Variants in WDR86 observed in about 807,000 individuals in gnomAD.
WDR86 encodes the protein WD repeat domain 86.
In WDR86, 30 loss-of-function variants were observed where a neutral mutation model predicts 36.5. The ratio of observed to expected loss-of-function variants is 0.82; its 90% confidence interval spans 0.61 to 1.11. The LOEUF (loss-of-function observed/expected upper bound fraction) is 1.11. Ranked by LOEUF, WDR86 falls within the 50% of genes most tolerant of loss-of-function variation. The pLI is 0.00. For missense variants in WDR86, 545 were observed against 561.2 expected, an observed-to-expected ratio of 0.97 and a Z score of 0.29; for synonymous variants, 255 against 252.9, an observed-to-expected ratio of 1.01 and a Z score of -0.08.
chr7:151,376,870 A>T, downstream of WDR86: 1 of 1,516,208 alleles, frequency 6.6e-7, no homozygotes. Context: ...AAGCCAACAG[A>T]TGTGGCCCTA....
At chr7:151,389,750 C>A (rs1179821465) in intron 3 of WDR86, among the ~76,000 whole-genome samples, 2 of 152,188 alleles carry the variant, frequency 1.3e-5, no homozygotes, top group Admixed American at 6.5e-5. Flanking sequence ...TGGAAGTGAG[C>A]ATGAGGCCCT....
downstream of WDR86, chr7:151,377,499 A>G (rs1207356395): frequency 7.2e-5 from 18 of 250,368 alleles, no homozygotes; most frequent in Non-Finnish European, 1.5e-5. Flanking sequence ...ACCCCGAAAC[A>G]GGAAGGAACA....
chr7:151,381,804 C>T lies in WDR86; in HGVS notation c.967-58G>A. The T allele has an allele frequency of 3.3e-6, 5 of 1,516,998 alleles. No individual in the cohort carries two copies. The highest frequency in any genetic ancestry group is 3.5e-6 in the Non-Finnish European group (4 of 1,128,964). The allele number at this position is 1,516,998 out of a possible 1,614,324, so 94.0% of individuals were successfully genotyped here. Reference sequence around the variant, plus strand: ...GCGGTAGGCGGGGGGGACACCGCTGCCCGCGTGGATGGATCGGGGCGGGGC... The same window carrying T: ...GCGGTAGGCGGGGGGGACACCGCTGTCCGCGTGGATGGATCGGGGCGGGGC... On this transcript the variant is annotated intron_variant, in intron 5 of 5. Coordinates refer to ENST00000334493, the MANE Select transcript of WDR86 (RefSeq NM_198285.3). This position sits in a 1 kb window ranked among gnomAD's most constrained non-coding sequence, Gnocchi z 4.8.
Position 151,388,425 on chromosome 7 carries a change from C to T in WDR86, c.727-3202G>A, listed in dbSNP as rs1181690048. Among the ~76,000 whole-genome samples, 2 of 151,964 alleles carry T rather than the reference C, an allele frequency of 1.3e-5. No individual in the cohort carries two copies. Among genetic ancestry groups the T allele is most frequent in the African/African-American group, 2.4e-5 (1 of 41,464 alleles). On this transcript the variant is annotated intron_variant, in intron 3 of 5. Coordinates refer to ENST00000334493, the MANE Select transcript of WDR86 (RefSeq NM_198285.3). The surrounding 1 kb of genome is among the most constrained non-coding windows in gnomAD (Gnocchi z 4.2). ...GTCAAGCCCAGAACCTGGGCGACCCCTCAAAGAGCAGGGGAGAGGGCTGCC... is the reference window on the plus strand; with the variant it reads ...GTCAAGCCCAGAACCTGGGCGACCCTTCAAAGAGCAGGGGAGAGGGCTGCC...
chr7:151,402,047 C>CA (rs71198714), intron 1 of WDR86, among the ~76,000 whole-genome samples: 194 of 14,858 alleles, frequency 0.013, 11 homozygotes, highest in Middle Eastern at 0.042. Flanking sequence ...AACTCTGCCT[C>CA]AAAAAAAAAA....
chr7:151,403,847 C>T (rs977659725), intron 1 of WDR86, among the ~76,000 whole-genome samples: 1 of 152,180 alleles, frequency 6.6e-6, no homozygotes, highest in African/African-American at 2.4e-5. Flanking sequence ...AGAGAGATTG[C>T]GGCTGGAGAC....
chr7:151,384,937 C>A (rs1798857669), intron 4 of WDR86, 151 bp downstream of exon 4: 5 of 870,482 alleles, frequency 5.7e-6, no homozygotes, highest in African/African-American at 1.7e-5. Flanking sequence ...CAGCTGGAAG[C>A]ACGGGTGTGT....
In WDR86 at chr7:151,406,358, C is replaced by G. The variant is rs1458249397; in HGVS notation, c.163+3069G>C. Among the ~76,000 whole-genome samples the G allele has an allele frequency of 6.6e-6, 1 of 152,206 alleles. No homozygotes were observed. The highest frequency in any genetic ancestry group is 1.5e-5 in the Non-Finnish European group (1 of 68,038). ...CAGGAAAGCCTGCGGTCCCTGATTGCCCCTGCTGCCATGAACAGAGCCAGA... is the reference window on the plus strand; with the variant it reads ...CAGGAAAGCCTGCGGTCCCTGATTGGCCCTGCTGCCATGAACAGAGCCAGA... On this transcript the variant is annotated intron_variant, in intron 1 of 5. Coordinates refer to ENST00000334493, the MANE Select transcript of WDR86 (RefSeq NM_198285.3). The surrounding 1 kb of genome is among the most constrained non-coding windows in gnomAD (Gnocchi z 4.4).
In WDR86 at chr7:151,408,704, G is replaced by A. The variant is rs1584803840; in HGVS notation, c.163+723C>T. The A allele has an allele frequency of 8.6e-6, 3 of 348,266 alleles. No homozygotes were observed. The East Asian group carries it at 2.2e-4, about 26-fold the overall frequency. 21.6% of individuals were successfully genotyped at this position (348,266 alleles called of 1,614,324 possible). A position where few individuals can be genotyped will look rare whatever the true frequency, so the allele number is the denominator to read the frequency against. On this transcript the variant is annotated intron_variant, in intron 1 of 5. Coordinates refer to ENST00000334493, the MANE Select transcript of WDR86 (RefSeq NM_198285.3). ...CTACCTGGGCAGTAGGAGGGCCAGA[G>A]CTGAAAGGGACCTCACAGTGCATGG...
chr7:151,383,473 CAAAAAAA>C (rs60998418), intron 4 of WDR86, among the ~76,000 whole-genome samples: 1 of 130,394 alleles, frequency 7.7e-6, no homozygotes, highest in Non-Finnish European at 1.7e-5. Context: ...GACTCCGTCT[CAAAAAAA>C]AAAAAAAAAA....
At chr7:151,372,236 T>C (rs1014074736), downstream of WDR86, among the ~76,000 whole-genome samples, 2 of 152,262 alleles carry the variant, frequency 1.3e-5, no homozygotes, top group Admixed American at 1.3e-4. Flanking sequence ...GCCACTTCAG[T>C]GCAGTACTCA....
intron 2 of WDR86, among the ~76,000 whole-genome samples, 156 bp from the exon 3 acceptor site, chr7:151,396,352 G>A (rs972477331): frequency 2.0e-5 from 3 of 152,146 alleles, no homozygotes; most frequent in African/African-American, 4.8e-5. Context: ...AGCTCAAATC[G>A]CCCCCACCTC....
At chr7:151,387,404 A>G (rs1014381414) in intron 3 of WDR86, among the ~76,000 whole-genome samples, 2 of 152,092 alleles carry the variant, frequency 1.3e-5, no homozygotes, top group Admixed American at 1.3e-4. Flanking sequence ...CCAGAGCCAC[A>G]CAGGCCGAGG....
Position 151,381,713 on chromosome 7 carries a change from C to T in WDR86, c.1000G>A (p.Asp334Asn), listed in dbSNP as rs1230134696. The change falls in exon 6 of 6, where the codon GAC (aspartate) becomes AAC (asparagine). Residue 334 changes from aspartate to asparagine, a missense_variant. By Grantham distance (23) the Asp-to-Asn change is conservative (BLOSUM62 1). Coordinates refer to ENST00000334493, the MANE Select transcript of WDR86 (RefSeq NM_198285.3). This position sits in a 1 kb window ranked among gnomAD's most constrained non-coding sequence, Gnocchi z 4.8. ...HGQVLYTASH[D>N]GALRLWDVRG... ...ACGTCCCAGAGGCGCAGGGCGCCGT[C>T]GTGCGAGGCGGTGTAGAGCACCTGG... is the stretch of plus-strand genomic sequence containing the variant. 2.7e-6 allele frequency: 4 copies of T among 1,496,154 alleles called. No individual in the cohort carries two copies. Among genetic ancestry groups the T allele is most frequent in the South Asian group, 1.3e-5 (1 of 76,584 alleles). 92.7% of individuals were successfully genotyped at this position (1,496,154 alleles called of 1,614,324 possible).
At chr7:151,385,065 T>C (rs759218085) in intron 4 of WDR86, 23 bp downstream of exon 4, 1 of 1,570,928 alleles carries the variant, frequency 6.4e-7, no homozygotes, top group Non-Finnish European at 8.7e-7. Context: ...GTGGCACAGG[T>C]CGTGCAGGGC....
chr7:151,410,190 C>T (rs1314328563), upstream of WDR86, among the ~76,000 whole-genome samples: 2 of 152,212 alleles, frequency 1.3e-5, no homozygotes, highest in African/African-American at 4.8e-5. Flanking sequence ...CTCCTAGCTG[C>T]CCGGGCTGCG....
intron 1 of WDR86, chr7:151,408,528 G>A (rs577664105): frequency 5.7e-5 from 11 of 191,564 alleles, no homozygotes; most frequent in South Asian, 1.1e-4. Context: ...AGCAGTATCA[G>A]GATTAGCCAA....
chr7:151,409,501 A>G lies in WDR86; in HGVS notation c.89T>C (p.Leu30Pro). ...WLSLSPDGQR[L>P]LTGSEDGTAR... The stretch of plus-strand genomic sequence containing the variant: ...CGTGCCGTCCTCGCTGCCCGTCAGC[A>G]GGCGCTGCCCGTCGGGGCTCAGGCT... Residue 30 changes from leucine (L) to proline (P), a missense_variant, in exon 1 of 6, where the codon CTG becomes CCG. By Grantham distance (98) the Leu-to-Pro change is moderately conservative. Coordinates refer to ENST00000334493, the MANE Select transcript of WDR86 (RefSeq NM_198285.3). The surrounding 1 kb of genome is among the most constrained non-coding windows in gnomAD (Gnocchi z 5.2). The G allele has an allele frequency of 3.9e-6, 6 of 1,533,348 alleles. No individual in the cohort carries two copies. The highest frequency in any genetic ancestry group is 5.2e-6 in the Non-Finnish European group (6 of 1,145,862). The allele number at this position is 1,533,348 out of a possible 1,614,324, so 95.0% of individuals were successfully genotyped here. A position where few individuals can be genotyped will look rare whatever the true frequency, so the allele number is the denominator to read the frequency against.
downstream of WDR86, chr7:151,377,770 G>A (rs1446328870): frequency 6.6e-6 from 1 of 152,316 alleles, no homozygotes; most frequent in Non-Finnish European, 1.5e-5. Flanking sequence ...ATGAGGCGCT[G>A]GCCTTGGGGG....
Sources: allele counts gnomAD v4.1 joint callset (sites outside exome capture counted in the v4.1 genomes callset), GRCh38; gene constraint gnomAD v4.1.1; non-coding constraint Gnocchi (gnomAD v3.1); transcripts MANE v1.5; gene names NCBI Gene and HGNC (gene_info 2026-07-23, HGNC 2026-07-21).